The following CRYBG1 variants were observed in gnomAD, a reference collection of about 807,000 sequenced individuals.
CRYBG1 encodes the protein beta/gamma crystallin domain-containing protein 1.
Under a neutral mutation model 189.2 loss-of-function variants are expected in CRYBG1, and 139 were observed. That is an observed-to-expected ratio of 0.73 (90% CI 0.64 to 0.85). CRYBG1 has a LOEUF of 0.85. CRYBG1 is among the 40% of genes least tolerant of loss of function. The pLI is 0.00. For synonymous variants in CRYBG1, 1,023 were observed against 1,017.1 expected (o/e 1.01, Z -0.11); for missense variants, 2,611 against 2,675.8 (o/e 0.98, Z 0.53).
chr6:106,523,207 C>T (rs537170114), intron 4 of CRYBG1, among the ~76,000 whole-genome samples: 25 of 152,236 alleles, frequency 1.6e-4, no homozygotes, highest in African/African-American at 4.8e-4. Flanking sequence ...TGGAGACCCC[C>T]GCAGTGGCCT....
Position 106,423,694 on chromosome 6 carries a change from CCTTTTTTTTTTTT to C in CRYBG1, c.174-27999_174-27987del, listed in dbSNP as rs1225744178. 2.8e-4 allele frequency among the ~76,000 whole-genome samples: 28 copies of C among 101,244 alleles called. 1 individual carries two copies. In the Admixed American group the frequency reaches 2.8e-3, roughly 10 times the overall value. 66.4% of individuals were successfully genotyped at this position (101,244 alleles called of 152,430 possible). A position where few individuals can be genotyped will look rare whatever the true frequency, so the allele number is the denominator to read the frequency against. On this transcript the variant is annotated intron_variant, in intron 1 of 21. Coordinates refer to ENST00000633556, the MANE Select transcript of CRYBG1 (RefSeq NM_001371242.2). ...CCCTCCAGTCCTCAGTTCTCCCTCC[CCTTTTTTTTTTTT>C]TTTTTTTTTTTTTTTTGAGACAAGG...
At chr6:106,452,785 C>T (rs1369411930) in intron 2 of CRYBG1, among the ~76,000 whole-genome samples, 1 of 152,158 alleles carries the variant, frequency 6.6e-6, no homozygotes, top group Admixed American at 6.5e-5. Context: ...TGCATTCCTT[C>T]ACTTGTAGAA....
In CRYBG1 at chr6:106,365,894, G is replaced by A. The variant is rs77735960; in HGVS notation, c.173+4813G>A. 6.0e-3 allele frequency among the ~76,000 whole-genome samples: 908 copies of A among 152,100 alleles called. 9 individuals carry two copies. The highest frequency in any genetic ancestry group is 0.021 in the African/African-American group (862 of 41,516). ...AGAGCATCCTCATTGGGCAGGCAGA[G>A]ATCTACCTCTGAGTGAAGGCCAGCA... On this transcript the variant is annotated intron_variant, in intron 1 of 21. Coordinates refer to ENST00000633556, the MANE Select transcript of CRYBG1 (RefSeq NM_001371242.2).
intron 18 of CRYBG1, among the ~76,000 whole-genome samples, chr6:106,559,819 G>C (rs1444943862): frequency 6.6e-6 from 1 of 151,992 alleles, no homozygotes; most frequent in Non-Finnish European, 1.5e-5. Flanking sequence ...CAGAAGCTGG[G>C]CGCAGTGACT....
intron 2 of CRYBG1, among the ~76,000 whole-genome samples, chr6:106,498,166 G>A (rs1772898369): frequency 6.6e-6 from 1 of 151,100 alleles, no homozygotes; most frequent in African/African-American, 2.4e-5. Context: ...AGGCCAATAG[G>A]TATATAAAAC....
chr6:106,561,938 G>A (rs1453085364), intron 20 of CRYBG1, among the ~76,000 whole-genome samples: 4 of 152,112 alleles, frequency 2.6e-5, no homozygotes, highest in Non-Finnish European at 2.9e-5. Flanking sequence ...AGTGTCATAC[G>A]TTGTAAATTA....
At position 106,511,956 on chromosome 6, in the gene CRYBG1, C is replaced by A; in HGVS notation, c.839C>A (p.Ser280Ter). 6.5e-7 allele frequency: 1 copy of A among 1,528,412 alleles called. No individual in the cohort carries two copies. The highest frequency in any genetic ancestry group is 8.8e-7 in the Non-Finnish European group (1 of 1,142,306). 94.7% of individuals were successfully genotyped at this position (1,528,412 alleles called of 1,614,324 possible). The change falls in exon 3 of 22, where the codon TCA (serine) becomes TAA (stop). Residue 280 changes from serine (S) to a stop codon, truncating the protein, a stop_gained. Transcript: ENST00000633556. LOFTEE classifies it high-confidence loss of function. ...GCCCGCAGTCCGGGGGAGGACGCTT[C>A]ACCAGGTGCTGGCCACGAACAGGAG... is the stretch of plus-strand genomic sequence containing the variant. ...TPARSPGEDA[S>*]PGAGHEQEAF... is the part of the protein sequence containing the mutation.
At chr6:106,521,941 G>T (rs1292404169) in intron 4 of CRYBG1, among the ~76,000 whole-genome samples, 1 of 151,956 alleles carries the variant, frequency 6.6e-6, no homozygotes, top group East Asian at 1.9e-4. Flanking sequence ...TACCATATTG[G>T]CTGGGCTGGT....
intron 2 of CRYBG1, among the ~76,000 whole-genome samples, chr6:106,510,365 C>T (rs1773221619): frequency 6.6e-6 from 1 of 152,260 alleles, no homozygotes; most frequent in South Asian, 2.1e-4. Context: ...CCCCGGAGCG[C>T]CACCGCGCCC....
At chr6:106,435,155 T>A (rs1771430459) in intron 1 of CRYBG1, among the ~76,000 whole-genome samples, 1 of 152,172 alleles carries the variant, frequency 6.6e-6, no homozygotes, top group Admixed American at 6.5e-5. Context: ...TCAATCTAGC[T>A]GCCAGCACTA....
chr6:106,432,516 C>CA (rs1771349544), intron 1 of CRYBG1, among the ~76,000 whole-genome samples: 1 of 151,924 alleles, frequency 6.6e-6, no homozygotes, highest in African/African-American at 2.4e-5. Context: ...ACCTACCCCC[C>CA]AGGGAGTTAA....
chr6:106,458,690 G>A (rs1394269772), intron 2 of CRYBG1, among the ~76,000 whole-genome samples: 1 of 152,136 alleles, frequency 6.6e-6, no homozygotes, highest in East Asian at 1.9e-4. Flanking sequence ...TTTGAAGGTA[G>A]AGCAGGAAAT....
intron 16 of CRYBG1, among the ~76,000 whole-genome samples, chr6:106,554,485 A>G (rs1281097735): frequency 6.6e-6 from 1 of 152,098 alleles, no homozygotes; most frequent in Non-Finnish European, 1.5e-5. Context: ...ATGGTGACAC[A>G]CCTGTAATCC....
chr6:106,547,619 G>A (rs1194647694), intron 13 of CRYBG1, among the ~76,000 whole-genome samples: 1 of 152,164 alleles, frequency 6.6e-6, no homozygotes, highest in Non-Finnish European at 1.5e-5. Flanking sequence ...ATTTTTATTG[G>A]CAATTAAGTA....
At chr6:106,447,335 C>T (rs1771682381) in intron 1 of CRYBG1, among the ~76,000 whole-genome samples, 1 of 151,954 alleles carries the variant, frequency 6.6e-6, no homozygotes, top group Non-Finnish European at 1.5e-5. Context: ...CCTTTGGGTA[C>T]AAAAATAATA....
At chr6:106,401,386 G>T (rs1196265947) in intron 1 of CRYBG1, among the ~76,000 whole-genome samples, 1 of 119,066 alleles carries the variant, frequency 8.4e-6, no homozygotes, top group African/African-American at 3.4e-5. Flanking sequence ...TTTGCTGAAT[G>T]ATTCTTTTTT....
chr6:106,518,992 TACAC>T (rs1554188425), intron 3 of CRYBG1, 135 bp from the exon 4 acceptor site: 8 of 637,134 alleles, frequency 1.3e-5, no homozygotes, highest in African/African-American at 1.2e-4. Context: ...CACACACACA[TACAC>T]ACACACACAC....
At chr6:106,468,545 C>T (rs1322870505) in intron 2 of CRYBG1, among the ~76,000 whole-genome samples, 1 of 152,108 alleles carries the variant, frequency 6.6e-6, no homozygotes, top group African/African-American at 2.4e-5. Flanking sequence ...TGTGAATTAG[C>T]CGGGCATGAT....
In CRYBG1 at chr6:106,515,175, A is replaced by G. The variant is rs1233405472; in HGVS notation, c.1922+2136A>G. Among the ~76,000 whole-genome samples, 3 of 152,226 alleles carry G rather than the reference A, an allele frequency of 2.0e-5. No homozygotes were observed. In the South Asian group the frequency reaches 6.2e-4, roughly 31 times the overall value. ...TGAATGTTGAAATTCTTAAAATGGTATATGTAGAATAAGGAGAATTTTCCT... is the reference window on the plus strand; with the variant it reads ...TGAATGTTGAAATTCTTAAAATGGTGTATGTAGAATAAGGAGAATTTTCCT... On this transcript the variant is annotated intron_variant, in intron 3 of 21. Coordinates refer to ENST00000633556, the MANE Select transcript of CRYBG1 (RefSeq NM_001371242.2).
Sources: gnomAD v4.1 joint callset for allele counts (sites outside exome capture counted in the v4.1 genomes callset) on GRCh38, gnomAD v4.1.1 for gene constraint, MANE v1.5 for transcripts, NCBI Gene and HGNC (gene_info 2026-07-23, HGNC 2026-07-21) for gene names.